KRABD5: variants seen among roughly 807,000 people sequenced by gnomAD.
The protein encoded by KRABD5 is KRAB domain containing 5.
At chr16:31,736,409 GTT>G in the KRABD5 span, among the ~76,000 whole-genome samples, 108,047 of 136,168 alleles carry the variant, frequency 0.79, 42,625 homozygotes, top group African/African-American at 0.92. Context: ...TGTACATTTA[GTT>G]TTTTTTTTTT....
the KRABD5 span, chr16:31,753,801 AAGAAGCTTAT>A: frequency 1.3e-6 from 2 of 1,532,624 alleles, no homozygotes; most frequent in Non-Finnish European, 1.8e-6. Context: ...CCTCTTAAGA[AAGAAGCTTAT>A]AGAAGCATCA....
chr16:31,715,417 T>C, the KRABD5 span, among the ~76,000 whole-genome samples: 1 of 152,194 alleles, frequency 6.6e-6, no homozygotes, highest in African/African-American at 2.4e-5. Context: ...TCATCACAGC[T>C]GCTTCCCAGG....
At chr16:31,745,696 A>AG in the KRABD5 span, among the ~76,000 whole-genome samples, 1 of 24,484 alleles carries the variant, frequency 4.1e-5, no homozygotes, top group African/African-American at 1.1e-4. Flanking sequence ...TGTCTTGTTG[A>AG]TCTGTCTAAT....
At chr16:31,753,644 C>A in the KRABD5 span, 4 of 970,334 alleles carry the variant, frequency 4.1e-6, no homozygotes, top group Non-Finnish European at 5.7e-6. Context: ...ACAAAGGGGC[C>A]TCAAGTTTTT....
chr16:31,743,408 G>A, the KRABD5 span, among the ~76,000 whole-genome samples: 3 of 152,062 alleles, frequency 2.0e-5, no homozygotes, highest in Non-Finnish European at 4.4e-5. Context: ...TTTTTGTCAG[G>A]TTTGTTGAAA....
the KRABD5 span, among the ~76,000 whole-genome samples, chr16:31,750,224 T>G: frequency 6.6e-6 from 1 of 152,206 alleles, no homozygotes; most frequent in East Asian, 1.9e-4. Flanking sequence ...TGTTTTATAG[T>G]TCCTCTTGTA....
the KRABD5 span, chr16:31,713,640 C>T: frequency 1.5e-6 from 1 of 674,522 alleles, no homozygotes. Flanking sequence ...CGCAGAGCGA[C>T]CTCTGCCATG....
chr16:31,715,788 C>G, the KRABD5 span, among the ~76,000 whole-genome samples: 1 of 152,078 alleles, frequency 6.6e-6, no homozygotes, highest in Non-Finnish European at 1.5e-5. Flanking sequence ...TCAGCAAACT[C>G]CACACAGTGT....
chr16:31,734,862 T>A, the KRABD5 span, among the ~76,000 whole-genome samples: 1 of 152,062 alleles, frequency 6.6e-6, no homozygotes, highest in East Asian at 1.9e-4. Context: ...TTCTCCTGCC[T>A]CAGCCTCCTG....
chr16:31,714,460 G>C, the KRABD5 span: 1 of 455,814 alleles, frequency 2.2e-6, no homozygotes, highest in Admixed American at 2.4e-5. Flanking sequence ...AGTGCCAGGA[G>C]AGTGGAGGAA....
chr16:31,730,877 C>A, the KRABD5 span, among the ~76,000 whole-genome samples: 1 of 151,984 alleles, frequency 6.6e-6, no homozygotes, highest in Non-Finnish European at 1.5e-5. Context: ...AGATTTCTAT[C>A]TGGTTCCTTT....
the KRABD5 span, among the ~76,000 whole-genome samples, chr16:31,725,445 A>G: frequency 8.1e-3 from 1,240 of 152,292 alleles, 9 homozygotes; most frequent in Non-Finnish European, 0.012. Flanking sequence ...GTATATACTT[A>G]GAAGTGGAAT....
At chr16:31,745,787 T>C in the KRABD5 span, among the ~76,000 whole-genome samples, 1 of 152,230 alleles carries the variant, frequency 6.6e-6, no homozygotes. Flanking sequence ...ACTTGTTTTA[T>C]GAATATGGGT....
the KRABD5 span, among the ~76,000 whole-genome samples, chr16:31,738,289 T>C: frequency 2.0e-5 from 3 of 152,078 alleles, no homozygotes; most frequent in African/African-American, 7.2e-5. Context: ...GAAAGTGGAG[T>C]ATGGAAGTCT....
At chr16:31,755,875 T>G in the KRABD5 span, 1 of 225,036 alleles carries the variant, frequency 4.4e-6, no homozygotes, top group Non-Finnish European at 9.0e-6. Context: ...AAAAAAGGAC[T>G]AAAGCACAGA....
the KRABD5 span, among the ~76,000 whole-genome samples, chr16:31,753,499 G>A: frequency 1.3e-5 from 2 of 152,294 alleles, no homozygotes; most frequent in African/African-American, 2.4e-5. Context: ...ACTGCACTGT[G>A]CTGTGGTGCA....
the KRABD5 span, chr16:31,755,029 T>G: frequency 2.1e-6 from 1 of 475,244 alleles, no homozygotes; most frequent in Non-Finnish European, 4.3e-6. Flanking sequence ...AGAGAATTCA[T>G]ACTGGAGAGA....
chr16:31,751,456 C>T, the KRABD5 span, among the ~76,000 whole-genome samples: 1 of 152,144 alleles, frequency 6.6e-6, no homozygotes, highest in African/African-American at 2.4e-5. Context: ...GATTCAGTAT[C>T]AGAACTTGAT....
chr16:31,736,517 CT>C, the KRABD5 span, among the ~76,000 whole-genome samples: 17,058 of 128,322 alleles, frequency 0.13, 1,317 homozygotes, highest in South Asian at 0.31. Context: ...TAATAATATT[CT>C]TTTTTTTTTT....
Sources: gnomAD v4.1 joint callset for allele counts (sites outside exome capture counted in the v4.1 genomes callset) on GRCh38, gnomAD v4.1.1 for gene constraint, MANE v1.5 for transcripts, NCBI Gene and HGNC (gene_info 2026-07-23, HGNC 2026-07-21) for gene names.